The following RBM33 variants were observed in gnomAD, a reference collection of about 807,000 sequenced individuals.
RBM33 encodes the protein RNA-binding protein 33.
A neutral mutation model predicts 132.6 loss-of-function variants in RBM33; 28 were observed. That is an observed-to-expected ratio of 0.21 (90% confidence interval 0.16 to 0.29). The LOEUF is 0.29. Among genes scored for constraint, RBM33 ranks in the 10% least tolerant of loss-of-function variants. The probability of loss-of-function intolerance (pLI) is 1.00; values close to 1 mark genes in which losing one functional copy is unlikely to be tolerated. For missense variants in RBM33, 1,291 were observed against 1,518.5 expected (o/e 0.85, Z 2.49); for synonymous variants, 634 against 593.0 (o/e 1.07, Z -1.01).
chr7:155,662,939 G>T (rs549968608), intron 1 of RBM33, among the ~76,000 whole-genome samples: 2 of 152,324 alleles, frequency 1.3e-5, no homozygotes, highest in South Asian at 4.1e-4. Flanking sequence ...CAAGGATGAA[G>T]AGGGGTGGGT....
chr7:155,771,106 A>C (rs1379607795), intron 16 of RBM33, among the ~76,000 whole-genome samples: 1 of 152,198 alleles, frequency 6.6e-6, no homozygotes, highest in Non-Finnish European at 1.5e-5. Context: ...GGGGTGAAGA[A>C]GGAGGTCCTT....
chr7:155,774,972 C>G lies in RBM33; in HGVS notation c.3465-21C>G. 6.2e-7 allele frequency: 1 copy of G among 1,612,032 alleles called. No homozygotes were observed. Among genetic ancestry groups the G allele is most frequent in the Non-Finnish European group, 8.5e-7 (1 of 1,178,288 alleles). On this transcript the variant is annotated intron_variant, in intron 17 of 17. Coordinates refer to ENST00000401878, the MANE Select transcript of RBM33 (RefSeq NM_053043.3). The surrounding 1 kb of genome is among the most constrained non-coding windows in gnomAD (Gnocchi z 4.2). ...GCCGATGTGCAGGGTTAGTGTCGAT[C>G]GTTTCTTTAAATTTTCACAGGCATA...
Position 155,745,180 on chromosome 7 carries a change from A to G in RBM33, c.2557A>G (p.Thr853Ala). 1.2e-6 allele frequency: 2 copies of G among 1,610,692 alleles called. No individual in the cohort carries two copies. Among genetic ancestry groups the G allele is most frequent in the Non-Finnish European group, 8.5e-7 (1 of 1,178,442 alleles). Residue 853 changes from threonine to alanine, a missense_variant, in exon 14 of 18, where the codon ACC becomes GCC. By Grantham distance (58) the Thr-to-Ala change is moderately conservative. Transcript: ENST00000401878. The surrounding 1 kb of genome is among the most constrained non-coding windows in gnomAD (Gnocchi z 4.1). ...AGAGCAGGCACTGTCACCATCACCC[A>G]CCAACGGTAACCCACTGTTGCCCTT... Reference protein sequence around the residue: ...QEEQALSPSPTNGNPLLPFPG... With the variant: ...QEEQALSPSPANGNPLLPFPG...
chr7:155,712,661 G>A (rs1267611750), intron 8 of RBM33, among the ~76,000 whole-genome samples: 4 of 152,190 alleles, frequency 2.6e-5, no homozygotes, highest in South Asian at 2.1e-4. Flanking sequence ...AAGATTGCAG[G>A]CAGAGTGATC....
intron 1 of RBM33, among the ~76,000 whole-genome samples, chr7:155,657,098 T>TG (rs1798513608): frequency 6.6e-6 from 1 of 152,184 alleles, no homozygotes; most frequent in South Asian, 2.1e-4. Flanking sequence ...TTGCTTATCT[T>TG]GCATTCTCTG....
chr7:155,649,025 A>G (rs1798280787), intron 1 of RBM33, among the ~76,000 whole-genome samples: 1 of 152,114 alleles, frequency 6.6e-6, no homozygotes, highest in African/African-American at 2.4e-5. Context: ...AGCTTCTTGA[A>G]TATGTAGGTT....
intron 8 of RBM33, among the ~76,000 whole-genome samples, chr7:155,716,550 C>T (rs1031062568): frequency 4.6e-5 from 7 of 152,020 alleles, no homozygotes; most frequent in African/African-American, 1.4e-4. Context: ...TAAGTGGTAC[C>T]TATGATCGAG....
intron 3 of RBM33, among the ~76,000 whole-genome samples, chr7:155,675,437 A>G (rs186658971): frequency 6.6e-6 from 1 of 152,084 alleles, no homozygotes; most frequent in East Asian, 1.9e-4. Flanking sequence ...GAATGTTTGT[A>G]TATGCTACAG....
intron 1 of RBM33, among the ~76,000 whole-genome samples, chr7:155,656,393 G>T (rs1325058508): frequency 2.6e-5 from 4 of 152,180 alleles, no homozygotes; most frequent in Admixed American, 6.5e-5. Flanking sequence ...AATATTAATT[G>T]CTGTGGCTTC....
Position 155,673,629 on chromosome 7 carries a change from CACATAT to C in RBM33, c.171+720_171+725del, listed in dbSNP as rs1563137662. 2.0e-4 allele frequency among the ~76,000 whole-genome samples: 8 copies of C among 39,672 alleles called. 2 individuals are homozygous for C. Among genetic ancestry groups the C allele is most frequent in the African/African-American group, 5.8e-4 (8 of 13,840 alleles). 26.0% of individuals were successfully genotyped at this position (39,672 alleles called of 152,430 possible). A position where few individuals can be genotyped will look rare whatever the true frequency, so the allele number is the denominator to read the frequency against. On this transcript the variant is annotated intron_variant, in intron 3 of 17. Transcript: ENST00000401878. Reference sequence around the variant, plus strand: ...ACATACACACGTGTATATATATACACACATATACATACACACGTGTATATATACACA... The same window carrying C: ...ACATACACACGTGTATATATATACACACATACACACGTGTATATATACACA...
Position 155,683,127 on chromosome 7 carries a change from T to C in RBM33, c.567+2219T>C, listed in dbSNP as rs1799381339. Among the ~76,000 whole-genome samples, 5 of 152,364 alleles carry C rather than the reference T, an allele frequency of 3.3e-5. No individual in the cohort carries two copies. In the South Asian group the frequency reaches 1.0e-3, roughly 32 times the overall value. ...TGTGAGCAATGTCAGTTCATCTTGA[T>C]ACATGTGTTCTAGCCGTGGTCATTC... is the stretch of plus-strand genomic sequence containing the variant. On this transcript the variant is annotated intron_variant, in intron 5 of 17. Transcript: ENST00000401878.
In RBM33 at chr7:155,775,201, A is replaced by C. The variant is rs1043635172; in HGVS notation, c.*160A>C. The C allele has an allele frequency of 2.8e-6, 2 of 726,588 alleles. No homozygotes were observed. The allele number at this position is 726,588 out of a possible 1,614,324, so 45.0% of individuals were successfully genotyped here. On this transcript the variant is annotated 3_prime_UTR_variant, in exon 18 of 18. Transcript: ENST00000401878. The stretch of plus-strand genomic sequence containing the variant: ...GCCAGCCAGCCACGGGCCTGATTCC[A>C]GAGGAGCCGAACTGACAGGACACAG...
In RBM33 at chr7:155,707,032, C is replaced by G; in HGVS notation, c.912C>G (p.His304Gln). The G allele has an allele frequency of 2.6e-6, 4 of 1,567,366 alleles. No individual in the cohort carries two copies. In the Admixed American group the frequency reaches 7.6e-5, roughly 30 times the overall value. Reference protein sequence around the residue: ...ESTERGRMKDHRPALLPTQPP... With the variant: ...ESTERGRMKDQRPALLPTQPP... Reference sequence around the variant, plus strand: ...CCGAGAGGGGCAGGATGAAGGACCACAGACCTGCGCTGCTTCCTACACAGC... The same window carrying G: ...CCGAGAGGGGCAGGATGAAGGACCAGAGACCTGCGCTGCTTCCTACACAGC... Residue 304 changes from histidine (H) to glutamine (Q), a missense_variant, in exon 7 of 18, where the codon CAC becomes CAG. Transcript: ENST00000401878.
intron 7 of RBM33, 42 bp from the exon 8 acceptor site, chr7:155,711,161 T>G (rs1441194350): frequency 4.8e-6 from 7 of 1,451,620 alleles, no homozygotes; most frequent in Non-Finnish European, 6.4e-6. Flanking sequence ...TTTTTTTTTT[T>G]GTGATTTGTA....
intron 6 of RBM33, among the ~76,000 whole-genome samples, chr7:155,701,822 G>C (rs1452205947): frequency 6.6e-6 from 1 of 152,106 alleles, no homozygotes; most frequent in East Asian, 1.9e-4. Context: ...CGAGTAGCTG[G>C]GTCTACAGGT....
chr7:155,715,178 A>G (rs569681928), intron 8 of RBM33, among the ~76,000 whole-genome samples: 4 of 152,268 alleles, frequency 2.6e-5, no homozygotes, highest in South Asian at 4.2e-4. Context: ...GAATGGAGAC[A>G]TGAACACACG....
At chr7:155,710,923 T>C (rs1355935000) in intron 7 of RBM33, among the ~76,000 whole-genome samples, 2 of 151,702 alleles carry the variant, frequency 1.3e-5, no homozygotes, top group African/African-American at 2.4e-5. Context: ...TTTTTTTTTT[T>C]TCAAAATTCA....
At chr7:155,646,089 G>A (rs933641818) in intron 1 of RBM33, among the ~76,000 whole-genome samples, 7 of 152,082 alleles carry the variant, frequency 4.6e-5, no homozygotes, top group Admixed American at 3.9e-4. Context: ...TTGTTTTATA[G>A]CATTCCCAGT....
intron 5 of RBM33, among the ~76,000 whole-genome samples, chr7:155,700,452 TC>T (rs1262658504): frequency 1.3e-5 from 2 of 151,648 alleles, no homozygotes; most frequent in African/African-American, 4.8e-5. Context: ...AAGCAATAAG[TC>T]CAGCAGGAAT....
Sources: allele counts gnomAD v4.1 joint callset (sites outside exome capture counted in the v4.1 genomes callset), GRCh38; gene constraint gnomAD v4.1.1; non-coding constraint Gnocchi (gnomAD v3.1); transcripts MANE v1.5; gene names NCBI Gene and HGNC (gene_info 2026-07-23, HGNC 2026-07-21).